FNBP4: variants seen among roughly 807,000 people sequenced by gnomAD.
The protein encoded by FNBP4 is formin binding protein 4.
FNBP4 carries 34 observed loss-of-function variants against 119.3 expected under a neutral mutation model. The observed-to-expected ratio is 0.28, with a 90% CI of 0.22 to 0.38. The LOEUF is 0.38. Among genes scored for constraint, FNBP4 ranks in the 10% least tolerant of loss-of-function variants. FNBP4 has a pLI of 1.00. For synonymous variants in FNBP4, 462 were observed against 430.6 expected, an observed-to-expected ratio of 1.07 and a Z score of -0.90; for missense variants, 1,112 against 1,228.9, an observed-to-expected ratio of 0.90 and a Z score of 1.42.
At chr11:47,737,294 C>T (rs529870797) in intron 8 of FNBP4, among the ~76,000 whole-genome samples, 143 of 152,304 alleles carry the variant, frequency 9.4e-4, no homozygotes, top group Non-Finnish European at 1.6e-3. Flanking sequence ...TAAGTTTCTG[C>T]TTTCCCCTTC....
At chr11:47,717,589 C>G in intron 16 of FNBP4, 77 bp from the exon 17 acceptor site, 1 of 1,127,660 alleles carries the variant, frequency 8.9e-7, no homozygotes, top group South Asian at 1.3e-5. Context: ...AAATAAAAAT[C>G]TAACTGAAAT....
In FNBP4 at chr11:47,731,525, C is replaced by T. The variant is rs377204226; in HGVS notation, c.1857G>A (p.Ser619=). 10 of 1,612,314 alleles carry T rather than the reference C, an allele frequency of 6.2e-6. No homozygotes were observed. Among genetic ancestry groups the T allele is most frequent in the East Asian group, 4.5e-5 (2 of 44,848 alleles). Residue 619 remains serine (S), a synonymous_variant, in exon 12 of 17, where the codon TCG becomes TCA. Transcript: ENST00000263773. ...HRRYFYVNEQ[S]GESQWEFPDG... Reference sequence around the variant, plus strand: ...CTGGAAACTCCCACTGAGACTCGCCCGACTGTTCGTTTACATAGAAATACC... The same window carrying T: ...CTGGAAACTCCCACTGAGACTCGCCTGACTGTTCGTTTACATAGAAATACC...
rs778260928 is a variant in FNBP4, at chr11:47,751,236, TAAC to T, written c.689_691del (p.Cys230del). 6.2e-7 allele frequency: 1 copy of T among 1,614,160 alleles called. No individual in the cohort carries two copies. Among genetic ancestry groups the T allele is most frequent in the South Asian group, 1.1e-5 (1 of 91,088 alleles). On this transcript the variant is annotated inframe_deletion, in exon 5 of 17. Transcript: ENST00000263773. ...ATTTGTTTGTGTATTCCAATAATAATAACATCCCGTGTTCTCATCCCAGACTTC... is the reference window on the plus strand; with the variant it reads ...ATTTGTTTGTGTATTCCAATAATAATATCCCGTGTTCTCATCCCAGACTTC...
intron 6 of FNBP4, among the ~76,000 whole-genome samples, chr11:47,749,781 G>C (rs1053227399): frequency 6.6e-6 from 1 of 151,988 alleles, no homozygotes; most frequent in African/African-American, 2.4e-5. Flanking sequence ...ATGCTCACTG[G>C]AGCATCTCAG....
chr11:47,717,290 T>A lies in FNBP4; in HGVS notation c.*132A>T. 3.1e-6 allele frequency: 2 copies of A among 639,194 alleles called. No individual in the cohort carries two copies. Among genetic ancestry groups the A allele is most frequent in the Non-Finnish European group, 5.3e-6 (2 of 377,214 alleles). 39.6% of individuals were successfully genotyped at this position (639,194 alleles called of 1,614,324 possible). On this transcript the variant is annotated 3_prime_UTR_variant, in exon 17 of 17. Transcript: ENST00000263773. ...CACAAAAGTGAAAACTTTGTATGCA[T>A]ACACTCTTGCCCAGGAAATTTATAA...
chr11:47,718,905 G>GTTTTTTTTT (rs35422529), intron 16 of FNBP4, among the ~76,000 whole-genome samples: 8 of 130,358 alleles, frequency 6.1e-5, no homozygotes, highest in African/African-American at 2.0e-4. Flanking sequence ...CACCCAACAT[G>GTTTTTTTTT]TTTTTTTTTT....
chr11:47,719,838 T>G, intron 16 of FNBP4, 91 bp downstream of exon 16: 3 of 1,319,000 alleles, frequency 2.3e-6, no homozygotes, highest in Non-Finnish European at 3.1e-6. Context: ...TCTATTCTAA[T>G]GCATCTATAA....
In FNBP4 at chr11:47,731,377, T is replaced by C. The variant is rs748248234; in HGVS notation, c.2005A>G (p.Thr669Ala). ...SNSTESSETS[T>A]GSLCKESFSG... Reference sequence around the variant, plus strand: ...AGTACAAGGTAAATTGTCTCACCTGTGGAAGTTTCAGAGGATTCTGTTGAA... The same window carrying C: ...AGTACAAGGTAAATTGTCTCACCTGCGGAAGTTTCAGAGGATTCTGTTGAA... Residue 669 changes from threonine (T) to alanine (A), a missense_variant, in exon 12 of 17, where the codon ACA becomes GCA. Around this residue, in one of 2 missense-constraint regions of FNBP4, gnomAD observed 826 missense variants for 988.8 expected, o/e 0.84. Transcript: ENST00000263773. 1 of 1,609,782 alleles carries C rather than the reference T, an allele frequency of 6.2e-7. No homozygotes were observed. Among genetic ancestry groups the C allele is most frequent in the Non-Finnish European group, 8.5e-7 (1 of 1,178,680 alleles).
At chr11:47,718,359 G>A (rs1386735711) in intron 16 of FNBP4, among the ~76,000 whole-genome samples, 1 of 151,910 alleles carries the variant, frequency 6.6e-6, no homozygotes, top group Admixed American at 6.6e-5. Flanking sequence ...GACTACAGGC[G>A]CCTGCCACCA....
chr11:47,729,009 G>A lies in FNBP4; in HGVS notation c.2008+2365C>T, dbSNP rs2097564396. 3.1e-5 allele frequency: 7 copies of A among 227,990 alleles called. No homozygotes were observed. In the South Asian group the frequency reaches 9.6e-4, roughly 31 times the overall value. 14.1% of individuals were successfully genotyped at this position (227,990 alleles called of 1,614,324 possible). On this transcript the variant is annotated intron_variant, in intron 12 of 16. Coordinates refer to ENST00000263773, the MANE Select transcript of FNBP4 (RefSeq NM_015308.5). ...TGGGATTACAGGCAGCTGCCACCACGCCCAGCTAATTTTTGTACTTTTAGT... is the reference window on the plus strand; with the variant it reads ...TGGGATTACAGGCAGCTGCCACCACACCCAGCTAATTTTTGTACTTTTAGT...
chr11:47,761,045 A>T (rs2135278421), intron 2 of FNBP4, among the ~76,000 whole-genome samples: 1 of 152,338 alleles, frequency 6.6e-6, no homozygotes, highest in Non-Finnish European at 1.5e-5. Flanking sequence ...GCTCTCAAAC[A>T]GTGGACTGGC....
chr11:47,732,794 G>C lies in FNBP4; in HGVS notation c.1687-124C>G. ...TGCTCTGGCAGGACAGTAGACCAGA[G>C]AGGAAAATAAACCCCATCTTCATCT... On this transcript the variant is annotated intron_variant, in intron 10 of 16. Transcript: ENST00000263773. The surrounding 1 kb of genome is among the most constrained non-coding windows in gnomAD (Gnocchi z 4.2). The C allele has an allele frequency of 1.1e-6, 1 of 882,094 alleles. No individual in the cohort carries two copies. Among genetic ancestry groups the C allele is most frequent in the East Asian group, 2.6e-5 (1 of 38,242 alleles). 54.6% of individuals were successfully genotyped at this position (882,094 alleles called of 1,614,324 possible).
chr11:47,726,364 T>C (rs1040154445), intron 12 of FNBP4: 2 of 151,716 alleles, frequency 1.3e-5, no homozygotes, highest in Non-Finnish European at 2.9e-5. Flanking sequence ...CTTCCCGAAT[T>C]GCTAGGACTA....
In FNBP4 at chr11:47,767,208, C is replaced by G. The variant is rs754685131; in HGVS notation, c.81G>C (p.Pro27=). 16 of 1,565,612 alleles carry G rather than the reference C, an allele frequency of 1.0e-5. No individual in the cohort carries two copies. In the African/African-American group the frequency reaches 1.6e-4, roughly 16 times the overall value. Residue 27 remains proline, a synonymous_variant, in exon 1 of 17, where the codon CCG becomes CCC. Transcript: ENST00000263773. Reference sequence around the variant, plus strand: ...CGGGTTCCGGCTCCGGGTCCCGGCCCGGCGTGCTGCCCCGAGGACCCGGCG... The same window carrying G: ...CGGGTTCCGGCTCCGGGTCCCGGCCGGGCGTGCTGCCCCGAGGACCCGGCG... ...LSPPGPRGST[P]GRDPEPEPDT... is the part of the protein sequence containing the mutation.
At chr11:47,729,183 T>C in intron 12 of FNBP4, 2 of 985,378 alleles carry the variant, frequency 2.0e-6, no homozygotes, top group Non-Finnish European at 2.4e-6. Context: ...ATAGAAAGCC[T>C]TCCTTAATTT....
rs1396019780 is a variant in FNBP4 at position 47,767,261 on chromosome 11, C to A, written c.28G>T (p.Gly10Cys). Residue 10 changes from glycine to cysteine, a missense_variant, in exon 1 of 17, where the codon GGC (glycine) becomes TGC (cysteine). Transcript: ENST00000263773. MGKKSRAVP[G>C]RRPILQLSPP... is the part of the protein sequence containing the mutation. Reference sequence around the variant, plus strand: ...GAGAGTTGCAGGATGGGCCTACGGCCGGGTACCGCCCGGGACTTCTTCCCC... The same window carrying A: ...GAGAGTTGCAGGATGGGCCTACGGCAGGGTACCGCCCGGGACTTCTTCCCC... 21 of 1,553,758 alleles carry A rather than the reference C, an allele frequency of 1.4e-5. No homozygotes were observed. The highest frequency in any genetic ancestry group is 1.8e-5 in the Non-Finnish European group (21 of 1,158,492).
chr11:47,756,542 GT>G (rs1432309779), intron 2 of FNBP4, among the ~76,000 whole-genome samples: 1 of 151,886 alleles, frequency 6.6e-6, no homozygotes, highest in East Asian at 1.9e-4. Flanking sequence ...TGTAGGTTAA[GT>G]TTTTTGTTGT....
chr11:47,726,413 T>TA (rs2097561059), intron 12 of FNBP4: 5 of 66,542 alleles, frequency 7.5e-5, no homozygotes, highest in South Asian at 9.0e-4. Context: ...TTTAATTTTT[T>TA]TTTTTTTTTT....
intron 2 of FNBP4, 133 bp from the exon 3 acceptor site, chr11:47,754,797 A>G: frequency 1.1e-6 from 1 of 886,018 alleles, no homozygotes; most frequent in Non-Finnish European, 1.7e-6. Flanking sequence ...ACTAATAATC[A>G]CTGAACTACC....
Sources: gnomAD v4.1 joint callset for allele counts (sites outside exome capture counted in the v4.1 genomes callset) on GRCh38, gnomAD v4.1.1 for gene constraint, gnomAD v4.1.1 regional missense constraint, Gnocchi (gnomAD v3.1) non-coding constraint, MANE v1.5 for transcripts, NCBI Gene and HGNC (gene_info 2026-07-23, HGNC 2026-07-21) for gene names.